ACSL4: variants seen among roughly 807,000 people sequenced by gnomAD.
The protein encoded by ACSL4 is long-chain-fatty-acid--CoA ligase 4.
Under a neutral mutation model 49.1 loss-of-function variants are expected in ACSL4, and 9 were observed. That is an observed-to-expected ratio of 0.18 (90% CI 0.11 to 0.32). The LOEUF (loss-of-function observed/expected upper bound fraction) is 0.32, where lower values mean the gene tolerates loss of function less well. Among genes scored for constraint, ACSL4 ranks in the 10% least tolerant of loss-of-function variants. The pLI, the probability that ACSL4 is intolerant of heterozygous loss-of-function variation, is 1.00. For synonymous variants in ACSL4, 191 were observed against 170.3 expected, an observed-to-expected ratio of 1.12 and a Z score of -0.95; for missense variants, 333 against 493.7, an observed-to-expected ratio of 0.67 and a Z score of 3.08.
At position 109,668,168 on chromosome X, in the gene ACSL4, G is replaced by A; in HGVS notation, c.1248C>T (p.Cys416=). 8.3e-7 allele frequency: 1 copy of A among 1,209,143 alleles called. No individual in the cohort carries two copies. Among genetic ancestry groups the A allele is most frequent in the Non-Finnish European group, 1.1e-6 (1 of 893,015 alleles). ...SPQTHRFMNV[C]FCCPIGQGYG... is the part of the protein sequence containing the mutation. ...AACCCTGGCCAATTGGGCAGCAGAA[G>A]CAGACATTCATGAATCGGTGTGTCT... The change falls in exon 11 of 16, where the codon TGC becomes TGT. Residue 416 remains cysteine, a synonymous_variant. Transcript: ENST00000672401.
At chrX:109,709,581 TA>T (rs762384866) in intron 1 of ACSL4, among the ~76,000 whole-genome samples, 1 of 112,843 alleles carries the variant, frequency 8.9e-6, no homozygotes, top group Non-Finnish European at 1.9e-5. Flanking sequence ...TGTCCTGCAA[TA>T]ACCCCAACAG....
chrX:109,700,207 C>CAAAAAAAA (rs748667601), intron 1 of ACSL4, among the ~76,000 whole-genome samples: 3 of 16,280 alleles, frequency 1.8e-4, no homozygotes, highest in Non-Finnish European at 3.4e-4. Context: ...GACTCCGTCT[C>CAAAAAAAA]AAAAAAAAAA....
rs771961787 is a variant in ACSL4, at chrX:109,678,158, T to G, written c.807-47A>C. On this transcript the variant is annotated intron_variant, in intron 7 of 15. Transcript: ENST00000672401. ...ATTTTAACCATTCTTGAAAAGGCAT[T>G]TGAAGTTAGAAATACCAAGAGCTTT... 9 of 1,205,913 alleles carry G rather than the reference T, an allele frequency of 7.5e-6. No individual in the cohort carries two copies. The African/African-American group carries it at 8.7e-5, about 12-fold the overall frequency.
At chrX:109,684,103 C>A (rs1569429666) in intron 2 of ACSL4, among the ~76,000 whole-genome samples, 2 of 110,370 alleles carry the variant, frequency 1.8e-5, no homozygotes, top group Non-Finnish European at 3.8e-5. Flanking sequence ...AGGTTTATAT[C>A]CAAAGGGGGG....
chrX:109,687,545 G>C (rs997631471), intron 2 of ACSL4, among the ~76,000 whole-genome samples: 1 of 111,428 alleles, frequency 9.0e-6, no homozygotes, highest in Admixed American at 9.6e-5. Flanking sequence ...ATGGACACAG[G>C]GAGGGTTACA....
chrX:109,650,957 T>C (rs1304266623), intron 15 of ACSL4, among the ~76,000 whole-genome samples: 3 of 111,965 alleles, frequency 2.7e-5, no homozygotes, highest in Non-Finnish European at 3.8e-5. Flanking sequence ...TATATTCAAA[T>C]GCAGATAAAA....
At chrX:109,668,836 ATT>A in intron 10 of ACSL4, among the ~76,000 whole-genome samples, 196 bp downstream of exon 10, 1 of 111,250 alleles carries the variant, frequency 9.0e-6, no homozygotes, top group East Asian at 2.8e-4. Flanking sequence ...AATTATTAAA[ATT>A]TGTTAAATTG....
intron 2 of ACSL4, chrX:109,683,811 A>C (rs1450282566): frequency 2.9e-5 from 6 of 204,412 alleles, no homozygotes; most frequent in Non-Finnish European, 4.4e-5. Context: ...TTAATTACAG[A>C]AAGCTGAAAT....
chrX:109,732,530 G>A (rs1156757153), intron 1 of ACSL4, among the ~76,000 whole-genome samples: 1 of 111,791 alleles, frequency 8.9e-6, no homozygotes, highest in Admixed American at 9.5e-5. Context: ...AAGAACGGGG[G>A]TGGGGGAAGG....
chrX:109,670,816 G>T (rs1283971846), intron 9 of ACSL4, among the ~76,000 whole-genome samples: 1 of 112,381 alleles, frequency 8.9e-6, no homozygotes, highest in Non-Finnish European at 1.9e-5. Flanking sequence ...TGGTGGAGAC[G>T]GGGTTTCGCC....
chrX:109,649,696 A>G (rs1934926709), intron 15 of ACSL4, among the ~76,000 whole-genome samples: 1 of 110,810 alleles, frequency 9.0e-6, no homozygotes, highest in African/African-American at 3.3e-5. Context: ...TAAACTAAAG[A>G]GCTTCTGCAC....
chrX:109,705,327 G>T (rs975619069), intron 1 of ACSL4, among the ~76,000 whole-genome samples: 2 of 111,934 alleles, frequency 1.8e-5, no homozygotes, highest in African/African-American at 6.5e-5. Flanking sequence ...TTTGCTTAAG[G>T]AAGTTTAGCT....
At chrX:109,706,223 C>G (rs1364394114) in intron 1 of ACSL4, among the ~76,000 whole-genome samples, 1 of 111,989 alleles carries the variant, frequency 8.9e-6, no homozygotes. Flanking sequence ...ACAGTTCCCC[C>G]CACTCCATGA....
chrX:109,721,163 G>A (rs751882420), intron 1 of ACSL4, among the ~76,000 whole-genome samples: 16 of 111,918 alleles, frequency 1.4e-4, no homozygotes, highest in Non-Finnish European at 3.0e-4. Flanking sequence ...TCAAAACCAT[G>A]ACTGAATTTT....
chrX:109,718,767 A>G (rs5943424), intron 1 of ACSL4, among the ~76,000 whole-genome samples: 41,402 of 105,879 alleles, frequency 0.39, 7,382 homozygotes, highest in Middle Eastern at 0.57. Flanking sequence ...AAAAAAAAAA[A>G]AAAGAAAGAA....
At chrX:109,722,596 A>G (rs904738720) in intron 1 of ACSL4, among the ~76,000 whole-genome samples, 1 of 111,960 alleles carries the variant, frequency 8.9e-6, no homozygotes, top group Admixed American at 9.6e-5. Flanking sequence ...TACACTGTAA[A>G]TAACATGTTC....
At chrX:109,716,485 A>G (rs1449129385) in intron 1 of ACSL4, among the ~76,000 whole-genome samples, 1 of 112,115 alleles carries the variant, frequency 8.9e-6, no homozygotes, top group Non-Finnish European at 1.9e-5. Context: ...AAAAATGCAG[A>G]GTTGAAAGGC....
chrX:109,656,469 G>A (rs774535866), intron 15 of ACSL4, among the ~76,000 whole-genome samples: 2 of 111,068 alleles, frequency 1.8e-5, no homozygotes, highest in East Asian at 2.8e-4. Context: ...GGAAGGCAAG[G>A]AGAATGGTCA....
chrX:109,732,247 T>C (rs958422288), intron 1 of ACSL4, among the ~76,000 whole-genome samples: 2 of 112,122 alleles, frequency 1.8e-5, no homozygotes, highest in African/African-American at 3.2e-5. Context: ...TTGACCTTTT[T>C]TTAGGTGAAA....
Sources: allele counts gnomAD v4.1 joint callset (sites outside exome capture counted in the v4.1 genomes callset), GRCh38; gene constraint gnomAD v4.1.1; transcripts MANE v1.5; gene names NCBI Gene and HGNC (gene_info 2026-07-23, HGNC 2026-07-21).